The following ARL15 variants were observed in gnomAD, a reference collection of about 807,000 sequenced individuals.
ARL15 encodes ADP-ribosylation factor-like protein 15.
A neutral mutation model predicts 25.2 loss-of-function variants in ARL15; 19 were observed. The ratio of observed to expected loss-of-function variants is 0.75; its 90% CI spans 0.53 to 1.10. The LOEUF (loss-of-function observed/expected upper bound fraction) is 1.10, where lower values mean the gene tolerates loss of function less well. Ranked by LOEUF, ARL15 falls within the 50% of genes least tolerant of loss-of-function variation. The pLI is 0.00. For synonymous variants in ARL15, 94 were observed against 86.8 expected, an observed-to-expected ratio of 1.08 and a Z score of -0.46; for missense variants, 220 against 246.0, an observed-to-expected ratio of 0.89 and a Z score of 0.71.
Position 54,266,011 on chromosome 5 carries a change from A to T in ARL15, c.48+44421T>A, listed in dbSNP as rs141023802. On this transcript the variant is annotated intron_variant, in intron 1 of 4. Transcript: ENST00000504924. ...CTTGCCCAAAGTCACAGAACTACTA[A>T]ATATCCAGTTTTTTATTTCAGATCC... 3.9e-3 allele frequency among the ~76,000 whole-genome samples: 596 copies of T among 152,308 alleles called. 4 individuals are homozygous for T. Among genetic ancestry groups the T allele is most frequent in the African/African-American group, 0.013 (532 of 41,562 alleles).
intron 3 of ARL15, among the ~76,000 whole-genome samples, chr5:54,128,989 C>T (rs190765611): frequency 4.5e-4 from 69 of 152,208 alleles, no homozygotes; most frequent in Non-Finnish European, 7.9e-4. Context: ...CAGGCATGGG[C>T]CACGGCGCCT....
chr5:53,995,331 A>G (rs1459776191), intron 4 of ARL15, among the ~76,000 whole-genome samples: 1 of 140,070 alleles, frequency 7.1e-6, no homozygotes, highest in Non-Finnish European at 1.6e-5. Flanking sequence ...AAAAAAAGCA[A>G]TTGGGGATTT....
chr5:54,059,690 G>T (rs1212457534), intron 4 of ARL15, among the ~76,000 whole-genome samples: 1 of 152,202 alleles, frequency 6.6e-6, no homozygotes, highest in Non-Finnish European at 1.5e-5. Context: ...CACTTTGCTT[G>T]ATAGTAATGT....
intron 1 of ARL15, among the ~76,000 whole-genome samples, chr5:54,216,821 T>C (rs1756222233): frequency 6.6e-6 from 1 of 152,186 alleles, no homozygotes; most frequent in South Asian, 2.1e-4. Flanking sequence ...AGAATGTATA[T>C]ACCTTAGACC....
chr5:54,093,975 G>A (rs1393885023), intron 4 of ARL15, among the ~76,000 whole-genome samples: 2 of 152,098 alleles, frequency 1.3e-5, no homozygotes, highest in South Asian at 4.1e-4. Flanking sequence ...TTTTCAGTGT[G>A]GTCTCAGAGT....
At chr5:54,128,701 TG>T (rs1261078229) in intron 3 of ARL15, among the ~76,000 whole-genome samples, 2 of 142,356 alleles carry the variant, frequency 1.4e-5, no homozygotes, top group Non-Finnish European at 3.0e-5. Flanking sequence ...TTTATTATTT[TG>T]ATTCTTTTTT....
At chr5:54,122,202 C>A (rs765447212) in intron 3 of ARL15, among the ~76,000 whole-genome samples, 1 of 152,224 alleles carries the variant, frequency 6.6e-6, no homozygotes, top group Non-Finnish European at 1.5e-5. Flanking sequence ...ATTTTATAAT[C>A]TCCAGTTTCT....
At chr5:54,111,162 C>A (rs1752728972) in intron 4 of ARL15, among the ~76,000 whole-genome samples, 1 of 151,984 alleles carries the variant, frequency 6.6e-6, no homozygotes, top group Non-Finnish European at 1.5e-5. Context: ...TTACTTAAAG[C>A]AGTCCCCATA....
In ARL15 at chr5:54,239,958, T is replaced by C. The variant is rs371795398; in HGVS notation, c.49-68030A>G. On this transcript the variant is annotated intron_variant, in intron 1 of 4. Coordinates refer to ENST00000504924, the MANE Select transcript of ARL15 (RefSeq NM_019087.3). ...CTAACACATCATCGGCCGGGCGCGG[T>C]GGCTCAGGCCTGTAATCCCAGCACT... Among the ~76,000 whole-genome samples the C allele has an allele frequency of 4.6e-5, 7 of 152,284 alleles. No individual in the cohort carries two copies. The South Asian group carries it at 8.3e-4, about 18-fold the overall frequency.
At chr5:53,909,933 C>T (rs1416198271) in intron 4 of ARL15, among the ~76,000 whole-genome samples, 1 of 152,128 alleles carries the variant, frequency 6.6e-6, no homozygotes, top group Admixed American at 6.6e-5. Flanking sequence ...TCATGTGCCG[C>T]AGATAAATAT....
intron 4 of ARL15, chr5:53,951,516 G>C (rs749031416): frequency 2.1e-6 from 1 of 471,576 alleles, no homozygotes; most frequent in African/African-American, 2.0e-5. Context: ...AGGTGGTTCT[G>C]TGTAGGTATT....
At chr5:54,137,837 A>C (rs554132611) in intron 3 of ARL15, among the ~76,000 whole-genome samples, 1 of 152,148 alleles carries the variant, frequency 6.6e-6, no homozygotes, top group African/African-American at 2.4e-5. Context: ...GGTGGATTTC[A>C]GAAGCTTTGA....
At chr5:54,303,204 C>T (rs1044376511) in intron 1 of ARL15, among the ~76,000 whole-genome samples, 1 of 151,756 alleles carries the variant, frequency 6.6e-6, no homozygotes, top group African/African-American at 2.4e-5. Flanking sequence ...GGCAAAAGAA[C>T]ATAGCACAGT....
At chr5:54,014,886 T>C (rs940357794) in intron 4 of ARL15, among the ~76,000 whole-genome samples, 1 of 152,162 alleles carries the variant, frequency 6.6e-6, no homozygotes, top group Admixed American at 6.5e-5. Context: ...TGCAAGTTAA[T>C]ATATTTGTGT....
intron 3 of ARL15, among the ~76,000 whole-genome samples, chr5:54,137,878 CTTT>C (rs3836816): frequency 6.9e-6 from 1 of 144,564 alleles, no homozygotes; most frequent in Admixed American, 6.8e-5. Context: ...AGAGAGAAAG[CTTT>C]TTTTTTTTTT....
chr5:54,259,837 C>T (rs1316308645), intron 1 of ARL15, among the ~76,000 whole-genome samples: 2 of 152,080 alleles, frequency 1.3e-5, no homozygotes, highest in Non-Finnish European at 2.9e-5. Flanking sequence ...CCTTTTCGTT[C>T]CTGGCCAGCA....
At chr5:53,937,728 G>A (rs540771047) in intron 4 of ARL15, among the ~76,000 whole-genome samples, 1 of 152,042 alleles carries the variant, frequency 6.6e-6, no homozygotes, top group South Asian at 2.1e-4. Context: ...CTCTGTGATG[G>A]TCACACAATG....
intron 4 of ARL15, among the ~76,000 whole-genome samples, chr5:54,111,526 T>C (rs1053558154): frequency 6.6e-6 from 1 of 152,082 alleles, no homozygotes; most frequent in Non-Finnish European, 1.5e-5. Flanking sequence ...AAAGATACAT[T>C]ACTTTCAATT....
At chr5:54,276,445 T>C (rs1228806984) in intron 1 of ARL15, among the ~76,000 whole-genome samples, 2 of 152,238 alleles carry the variant, frequency 1.3e-5, no homozygotes, top group African/African-American at 2.4e-5. Flanking sequence ...TGGTTTTATA[T>C]ATGATGACAA....
Sources: gnomAD v4.1 joint callset for allele counts (sites outside exome capture counted in the v4.1 genomes callset) on GRCh38, gnomAD v4.1.1 for gene constraint, MANE v1.5 for transcripts, NCBI Gene and HGNC (gene_info 2026-07-23, HGNC 2026-07-21) for gene names.